Variants in UGT1A9 observed in about 807,000 individuals in gnomAD.
The protein encoded by UGT1A9 is UDP glucuronosyltransferase family 1 member A9.
Under a neutral mutation model 45.0 loss-of-function variants are expected in UGT1A9, and 35 were observed. That is an observed-to-expected ratio of 0.78 (90% CI 0.59 to 1.03). The LOEUF (loss-of-function observed/expected upper bound fraction) is 1.03. Among genes scored for constraint, UGT1A9 ranks in the 50% least tolerant of loss-of-function variants. The pLI, the probability that UGT1A9 is intolerant of heterozygous loss-of-function variation, is 0.00. For synonymous variants in UGT1A9, 278 were observed against 250.6 expected (o/e 1.11, Z -1.03); for missense variants, 687 against 666.6 (o/e 1.03, Z -0.34).
rs773325642 is a variant in UGT1A9, at chr2:233,682,608, T to C, written c.855+9819T>C. On this transcript the variant is annotated intron_variant, in intron 1 of 4. Transcript: ENST00000354728. The stretch of plus-strand genomic sequence containing the variant: ...GAACATTTATTTTGCCCCTATTTTT[T>C]CAAAAATGTCTTAGAAATAGCCTCT... 176 of 1,613,816 alleles carry C rather than the reference T, an allele frequency of 1.1e-4. No individual in the cohort carries two copies. The highest frequency in any genetic ancestry group is 1.4e-4 in the Non-Finnish European group (160 of 1,179,850).
chr2:233,693,520 G>A (rs1228298386), intron 1 of UGT1A9: 13 of 1,614,006 alleles, frequency 8.1e-6, no homozygotes, highest in Non-Finnish European at 1.0e-5. Flanking sequence ...ACCTCTTCAG[G>A]GGTTTTCCGT....
intron 1 of UGT1A9, among the ~76,000 whole-genome samples, chr2:233,701,108 C>T (rs1258266340): frequency 1.3e-5 from 2 of 152,114 alleles, no homozygotes; most frequent in African/African-American, 4.8e-5. Flanking sequence ...TTTTCTTAAT[C>T]CAGTCTATCA....
chr2:233,744,980 G>A (rs1692979759), intron 1 of UGT1A9, among the ~76,000 whole-genome samples: 1 of 151,830 alleles, frequency 6.6e-6, no homozygotes, highest in Non-Finnish European at 1.5e-5. Context: ...TAAGCCTCTA[G>A]TCATCTCTTG....
chr2:233,768,874 G>A (rs1264130017), intron 4 of UGT1A9, among the ~76,000 whole-genome samples: 1 of 151,996 alleles, frequency 6.6e-6, no homozygotes, highest in East Asian at 1.9e-4. Flanking sequence ...ATGAGCCAGC[G>A]CGTCTGACCT....
Position 233,769,013 on chromosome 2 carries a change from C to T in UGT1A9, c.1295+574C>T, listed in dbSNP as rs4148328. 0.32 allele frequency among the ~76,000 whole-genome samples: 49,227 copies of T among 151,996 alleles called. 8,798 individuals are homozygous for T. Among genetic ancestry groups the T allele is most frequent in the East Asian group, 0.6 (3,101 of 5,178 alleles). On this transcript the variant is annotated intron_variant, in intron 4 of 4. Transcript: ENST00000354728. The surrounding 1 kb of genome is among the most constrained non-coding windows in gnomAD (Gnocchi z 4.4). ...CCATTAGATTTAAAACTCCAATTTA[C>T]ATAAAAAGTTGCCATAATAGACATC...
At chr2:233,693,758 G>C in intron 1 of UGT1A9, 2 of 1,614,234 alleles carry the variant, frequency 1.2e-6, no homozygotes, top group Non-Finnish European at 1.7e-6. Context: ...GAAGGTCTCT[G>C]TTTGGCTGTT....
intron 1 of UGT1A9, chr2:233,747,921 G>T: frequency 6.2e-7 from 1 of 1,613,394 alleles, no homozygotes; most frequent in Non-Finnish European, 8.5e-7. Context: ...CCTTGCCTCT[G>T]AGCTTTTTCA....
At chr2:233,688,499 C>A (rs377365322) in intron 1 of UGT1A9, among the ~76,000 whole-genome samples, 3 of 152,154 alleles carry the variant, frequency 2.0e-5, no homozygotes, top group African/African-American at 7.2e-5. Context: ...TTGGGAATGT[C>A]ACATGCAGTG....
chr2:233,714,809 G>A (rs545646081), intron 1 of UGT1A9, among the ~76,000 whole-genome samples: 102 of 152,292 alleles, frequency 6.7e-4, no homozygotes, highest in Middle Eastern at 3.4e-3. Context: ...ATATTCATAT[G>A]TAGTTAGTGA....
chr2:233,693,159 G>A (rs771283740), intron 1 of UGT1A9: 12 of 1,614,064 alleles, frequency 7.4e-6, no homozygotes, highest in South Asian at 4.4e-5. Flanking sequence ...CTCAGTGACC[G>A]GGGTCATGAG....
intron 1 of UGT1A9, chr2:233,692,130 A>G (rs981265749): frequency 6.6e-6 from 1 of 152,188 alleles, no homozygotes; most frequent in Non-Finnish European, 1.5e-5. Context: ...CATGCCTACT[A>G]TGTATGGAAG....
At chr2:233,729,519 A>G in intron 1 of UGT1A9, 1 of 1,614,214 alleles carries the variant, frequency 6.2e-7, no homozygotes, top group Middle Eastern at 1.6e-4. Context: ...GTGTGGAGCT[A>G]CTACATAATG....
At chr2:233,730,564 A>G (rs1270529566) in intron 1 of UGT1A9, among the ~76,000 whole-genome samples, 1 of 152,140 alleles carries the variant, frequency 6.6e-6, no homozygotes, top group Non-Finnish European at 1.5e-5. Context: ...AGAATGACAC[A>G]CGAAGTTCAG....
At chr2:233,703,713 T>C (rs117258472) in intron 1 of UGT1A9, among the ~76,000 whole-genome samples, 2,672 of 152,246 alleles carry the variant, frequency 0.018, 41 homozygotes, top group South Asian at 0.042. Context: ...AAAATTTAAG[T>C]TTTAAATATA....
chr2:233,743,667 C>T lies in UGT1A9; in HGVS notation c.856-23367C>T, dbSNP rs201017854. 1.1e-4 allele frequency: 149 copies of T among 1,367,202 alleles called. 1 individual carries two copies. The highest frequency in any genetic ancestry group is 3.2e-4 in the East Asian group (7 of 21,982). The allele number at this position is 1,367,202 out of a possible 1,614,324, so 84.7% of individuals were successfully genotyped here. A position where few individuals can be genotyped will look rare whatever the true frequency, so the allele number is the denominator to read the frequency against. Reference sequence around the variant, plus strand: ...CTGAAGACGTACTCGAAGGGGTCCTCGAAGGGCCTGCCGCCTGTGCAGCCG... The same window carrying T: ...CTGAAGACGTACTCGAAGGGGTCCTTGAAGGGCCTGCCGCCTGTGCAGCCG... On this transcript the variant is annotated intron_variant, in intron 1 of 4. Coordinates refer to ENST00000354728, the MANE Select transcript of UGT1A9 (RefSeq NM_021027.3).
rs1028385252 is a variant in UGT1A9 at position 233,772,759 on chromosome 2, C to T, written c.*200C>T. On this transcript the variant is annotated 3_prime_UTR_variant, in exon 5 of 5. Transcript: ENST00000354728. ...TCAGTAAAGATATTTGAATATGTAT[C>T]GTGCCCCCTCTGGTGTCTTTGATCA... is the stretch of plus-strand genomic sequence containing the variant. 2.3e-5 allele frequency: 32 copies of T among 1,393,958 alleles called. No individual in the cohort carries two copies. In the Admixed American group the frequency reaches 4.6e-4, roughly 20 times the overall value. The allele number at this position is 1,393,958 out of a possible 1,614,324, so 86.3% of individuals were successfully genotyped here. A position where few individuals can be genotyped will look rare whatever the true frequency, so the allele number is the denominator to read the frequency against.
At chr2:233,720,947 G>A (rs2076910008) in intron 1 of UGT1A9, among the ~76,000 whole-genome samples, 1 of 147,996 alleles carries the variant, frequency 6.8e-6, no homozygotes, top group Non-Finnish European at 1.5e-5. Context: ...CTGACCTCAT[G>A]TGATCTGCCC....
intron 1 of UGT1A9, among the ~76,000 whole-genome samples, chr2:233,736,231 C>A (rs570595506): frequency 2.0e-5 from 3 of 152,220 alleles, no homozygotes; most frequent in East Asian, 1.9e-4. Flanking sequence ...TTTTCTCTAA[C>A]CTTGTCTTCT....
intron 1 of UGT1A9, among the ~76,000 whole-genome samples, chr2:233,756,978 C>T (rs1696373948): frequency 1.3e-5 from 2 of 151,968 alleles, no homozygotes; most frequent in Admixed American, 1.3e-4. Context: ...ACGCAATGAA[C>T]AGTCATAGTA....
Sources: allele counts gnomAD v4.1 joint callset (sites outside exome capture counted in the v4.1 genomes callset), GRCh38; gene constraint gnomAD v4.1.1; non-coding constraint Gnocchi (gnomAD v3.1); transcripts MANE v1.5; gene names NCBI Gene and HGNC (gene_info 2026-07-23, HGNC 2026-07-21).